CNTNAP3B: variants seen among roughly 807,000 people sequenced by gnomAD.
CNTNAP3B encodes the protein contactin associated protein family member 3B, also known as contactin-associated protein-like 3B.
Under a neutral mutation model 108.9 loss-of-function variants are expected in CNTNAP3B, and 25 were observed. The observed-to-expected ratio is 0.23, with a 90% CI of 0.17 to 0.32. CNTNAP3B has a LOEUF of 0.32. CNTNAP3B is among the 10% of genes least tolerant of loss of function. The probability of loss-of-function intolerance (pLI) is 1.00; values close to 1 mark genes in which losing one functional copy is unlikely to be tolerated. For missense variants in CNTNAP3B, 252 were observed against 1,210.4 expected, an observed-to-expected ratio of 0.21 and a Z score of 11.75; for synonymous variants, 103 against 473.4, an observed-to-expected ratio of 0.22 and a Z score of 10.16.
At chr9:41,955,117 A>C (rs1824815696) in intron 12 of CNTNAP3B, among the ~76,000 whole-genome samples, 1 of 149,014 alleles carries the variant, frequency 6.7e-6, no homozygotes, top group Non-Finnish European at 1.5e-5. Context: ...AAGATGCTCA[A>C]CCACATGCCA....
intron 17 of CNTNAP3B, among the ~76,000 whole-genome samples, chr9:41,921,370 C>T (rs879524375): frequency 2.6e-4 from 39 of 151,500 alleles, no homozygotes; most frequent in South Asian, 1.7e-3. Flanking sequence ...GAGCTAACCA[C>T]GCCTGAAGCT....
At chr9:42,041,395 G>A (rs1826749418) in intron 3 of CNTNAP3B, among the ~76,000 whole-genome samples, 1 of 151,568 alleles carries the variant, frequency 6.6e-6, no homozygotes, top group East Asian at 1.9e-4. Flanking sequence ...TTACAAGAAA[G>A]AATCAAACAA....
intron 15 of CNTNAP3B, among the ~76,000 whole-genome samples, chr9:41,927,029 A>G (rs1300844482): frequency 1.3e-5 from 2 of 152,286 alleles, no homozygotes; most frequent in Non-Finnish European, 2.9e-5. Context: ...CTGCAGATAT[A>G]CCCTCCATGC....
rs1826154848 is a variant in CNTNAP3B, at chr9:42,012,861, G to A, written c.538+517C>T. ...TCCACTTTTATAACAAAGAATAGGT[G>A]AGAAAAGAGGCTAACTAAACACAGG... On this transcript the variant is annotated intron_variant, in intron 4 of 23. Transcript: ENST00000377561. Among the ~76,000 whole-genome samples, 2 of 94,830 alleles carry A rather than the reference G, an allele frequency of 2.1e-5. 1 individual carries two copies. Among genetic ancestry groups the A allele is most frequent in the African/African-American group, 8.0e-5 (2 of 25,116 alleles). The allele number at this position is 94,830 out of a possible 152,430, so 62.2% of individuals were successfully genotyped here.
Position 41,953,317 on chromosome 9 carries a change from C to T in CNTNAP3B, c.1946G>A (p.Gly649Glu), listed in dbSNP as rs765546096. The T allele has an allele frequency of 3.2e-6, 5 of 1,544,378 alleles. No individual in the cohort carries two copies. The Admixed American group carries it at 6.0e-5, about 19-fold the overall frequency. The change falls in exon 13 of 24, where the codon GGG becomes GAG. Residue 649 changes from glycine to glutamate, a missense_variant. By Grantham distance (98) the Gly-to-Glu change is moderately conservative (BLOSUM62 -2). Coordinates refer to ENST00000377561, the MANE Select transcript of CNTNAP3B (RefSeq NM_001201380.3). The stretch of plus-strand genomic sequence containing the variant: ...GAAGGACACAGCCGAGAGCGGGTGC[C>T]CGCTGGGGGCACCTCGGAGGGTCAC... ...DAVTLRGAPSGHPLSAVSFAY... is the reference protein window; with the variant it reads ...DAVTLRGAPSEHPLSAVSFAY...
chr9:41,976,843 T>C lies in CNTNAP3B; in HGVS notation c.1478-6598A>G, dbSNP rs529866652. Among the ~76,000 whole-genome samples, 44 of 126,694 alleles carry C rather than the reference T, an allele frequency of 3.5e-4. 3 individuals carry two copies. Among genetic ancestry groups the C allele is most frequent in the African/African-American group, 1.3e-3 (41 of 30,808 alleles). The allele number at this position is 126,694 out of a possible 152,430, so 83.1% of individuals were successfully genotyped here. On this transcript the variant is annotated intron_variant, in intron 9 of 23. Coordinates refer to ENST00000377561, the MANE Select transcript of CNTNAP3B (RefSeq NM_001201380.3). ...CTGAGGTGGAAGAAGTGCTTGAGCT[T>C]GGAGAGGCAGAGGCTGCAGTGAGCT...
intron 18 of CNTNAP3B, among the ~76,000 whole-genome samples, chr9:41,919,477 T>G (rs1823610560): frequency 1.3e-5 from 2 of 152,292 alleles, no homozygotes; most frequent in Non-Finnish European, 2.9e-5. Flanking sequence ...TGCACTCCTC[T>G]AAGAAGAGTC....
At chr9:41,961,383 T>C (rs1356510923) in intron 11 of CNTNAP3B, among the ~76,000 whole-genome samples, 6 of 152,250 alleles carry the variant, frequency 3.9e-5, no homozygotes, top group Non-Finnish European at 7.4e-5. Context: ...AGAGGAAAAC[T>C]TTGTGAATCT....
chr9:42,055,070 G>A (rs1228905173), intron 3 of CNTNAP3B, among the ~76,000 whole-genome samples: 10 of 139,622 alleles, frequency 7.2e-5, no homozygotes, highest in African/African-American at 1.1e-4. Context: ...CTTTCATCCT[G>A]GAGAAATTTC....
rs1306971562 is a variant in CNTNAP3B, at chr9:42,115,778, G to T, written c.86-11039C>A. ...GATGGGGAGAAACCAGAGCAGAAAA[G>T]CTGAAAATTCTAAAAATCAGAGCAC... On this transcript the variant is annotated intron_variant, in intron 1 of 23. Coordinates refer to ENST00000377561, the MANE Select transcript of CNTNAP3B (RefSeq NM_001201380.3). 1.9e-4 allele frequency among the ~76,000 whole-genome samples: 23 copies of T among 120,622 alleles called. 4 individuals carry two copies. Among genetic ancestry groups the T allele is most frequent in the African/African-American group, 8.0e-4 (23 of 28,608 alleles). 79.1% of individuals were successfully genotyped at this position (120,622 alleles called of 152,430 possible). A position where few individuals can be genotyped will look rare whatever the true frequency, so the allele number is the denominator to read the frequency against.
At chr9:42,097,391 G>T (rs1827924628) in intron 2 of CNTNAP3B, among the ~76,000 whole-genome samples, 3 of 139,666 alleles carry the variant, frequency 2.1e-5, no homozygotes, top group South Asian at 4.6e-4. Flanking sequence ...GGTTAATAAA[G>T]ATGCTTTTTA....
intron 9 of CNTNAP3B, among the ~76,000 whole-genome samples, chr9:41,973,813 G>A (rs1416572602): frequency 1.5e-5 from 2 of 133,774 alleles, no homozygotes; most frequent in Non-Finnish European, 3.2e-5. Context: ...TAGAAGATAG[G>A]TCTGCATCTG....
intron 1 of CNTNAP3B, among the ~76,000 whole-genome samples, chr9:42,117,617 C>T (rs1418928611): frequency 2.2e-5 from 3 of 136,376 alleles, no homozygotes; most frequent in African/African-American, 8.8e-5. Flanking sequence ...TTAAAAGAAC[C>T]AGAGAAGCAA....
In CNTNAP3B at chr9:41,893,965, T is replaced by A. The variant is rs1430681459; in HGVS notation, c.*24A>T. The A allele has an allele frequency of 1.4e-5, 2 of 147,116 alleles. No individual in the cohort carries two copies. The highest frequency in any genetic ancestry group is 6.9e-4 in the African/African-American group (2 of 2,888). 9.1% of individuals were successfully genotyped at this position (147,116 alleles called of 1,614,324 possible). ...GTTTTCATGGACTGCGTTTTGCACA[T>A]CGAGCTCACTGTTTAGAGCTGTCCT... On this transcript the variant is annotated 3_prime_UTR_variant, in exon 24 of 24. Transcript: ENST00000377561.
chr9:41,925,569 C>A (rs1230697141), intron 15 of CNTNAP3B, among the ~76,000 whole-genome samples: 5 of 152,100 alleles, frequency 3.3e-5, no homozygotes, highest in South Asian at 4.2e-4. Context: ...CTCCAGCCTG[C>A]GCAACAGAGC....
intron 1 of CNTNAP3B, among the ~76,000 whole-genome samples, chr9:42,117,571 CAGG>C: frequency 7.2e-6 from 1 of 139,326 alleles, no homozygotes; most frequent in South Asian, 2.3e-4. Context: ...CAAAAGAAAG[CAGG>C]AAAGATCTAA....
chr9:41,942,556 A>G (rs1824388480), intron 13 of CNTNAP3B, among the ~76,000 whole-genome samples: 1 of 149,844 alleles, frequency 6.7e-6, no homozygotes, highest in African/African-American at 2.5e-5. Flanking sequence ...GCTTGCAGTC[A>G]GCTGAGATGG....
intron 3 of CNTNAP3B, among the ~76,000 whole-genome samples, chr9:42,037,359 C>T (rs1457960404): frequency 8.3e-6 from 1 of 119,982 alleles, no homozygotes; most frequent in Non-Finnish European, 1.7e-5. Context: ...TTCGAACCCA[C>T]TGCAAAGAAG....
At chr9:42,033,318 T>C (rs1826558661) in intron 3 of CNTNAP3B, among the ~76,000 whole-genome samples, 2 of 150,260 alleles carry the variant, frequency 1.3e-5, no homozygotes, top group African/African-American at 2.5e-5. Flanking sequence ...AGCAAATAAA[T>C]ATAAGTGAAA....
Sources: gnomAD v4.1 joint callset for allele counts (sites outside exome capture counted in the v4.1 genomes callset) on GRCh38, gnomAD v4.1.1 for gene constraint, MANE v1.5 for transcripts, NCBI Gene and HGNC (gene_info 2026-07-23, HGNC 2026-07-21) for gene names.